TDRD6: variants seen among roughly 807,000 people sequenced by gnomAD.
TDRD6 encodes tudor domain containing 6.
TDRD6 carries 186 observed loss-of-function variants against 157.5 expected under a neutral mutation model. The observed-to-expected ratio is 1.18, with a 90% CI of 1.05 to 1.33. TDRD6 has a LOEUF of 1.33. TDRD6 is among the 40% of genes most tolerant of loss of function. The pLI is 0.00. For synonymous variants in TDRD6, 1,075 were observed against 945.2 expected (o/e 1.14, Z -2.52); for missense variants, 3,066 against 2,508.0 (o/e 1.22, Z -4.75).
chr6:46,696,337 A>T (rs992885844), intron 2 of TDRD6, among the ~76,000 whole-genome samples: 6 of 151,356 alleles, frequency 4.0e-5, no homozygotes, highest in African/African-American at 7.3e-5. Flanking sequence ...TGTCAGGGTG[A>T]AGTTTGTAAA....
chr6:46,688,619 A>G lies in TDRD6; in HGVS notation c.491A>G (p.Lys164Arg), dbSNP rs753915594. ...AVDFLSNLQG[K>R]EVHGCVLDVL... is the part of the protein sequence containing the mutation. ...GACTTCCTTAGCAACCTTCAGGGCA[A>G]GGAGGTGCACGGGTGCGTCCTGGAC... The change falls in exon 1 of 4, where the codon AAG (lysine) becomes AGG (arginine). Residue 164 changes from lysine (K) to arginine (R), a missense_variant. By Grantham distance (26) the Lys-to-Arg change is conservative. Coordinates refer to ENST00000316081, the MANE Select transcript of TDRD6 (RefSeq NM_001010870.3). 6.9e-6 allele frequency: 11 copies of G among 1,599,016 alleles called. No individual in the cohort carries two copies. Among genetic ancestry groups the G allele is most frequent in the Non-Finnish European group, 8.5e-6 (10 of 1,179,826 alleles).
At chr6:46,687,799 C>T, upstream of TDRD6, 1 of 286,164 alleles carries the variant, frequency 3.5e-6, no homozygotes, top group Non-Finnish European at 6.5e-6. Context: ...CTCCTTGGGC[C>T]CTTAGGCGTT....
At chr6:46,699,512 T>G (rs1764573517) in intron 3 of TDRD6, among the ~76,000 whole-genome samples, 1 of 152,122 alleles carries the variant, frequency 6.6e-6, no homozygotes, top group Non-Finnish European at 1.5e-5. Context: ...CAAAGAGATT[T>G]CCTACCTATT....
chr6:46,693,841 C>A lies in TDRD6; in HGVS notation c.5713C>A (p.Pro1905Thr). 1 of 1,614,166 alleles carries A rather than the reference C, an allele frequency of 6.2e-7. No individual in the cohort carries two copies. Among genetic ancestry groups the A allele is most frequent in the Non-Finnish European group, 8.5e-7 (1 of 1,180,038 alleles). The change falls in exon 1 of 4, where the codon CCA becomes ACA. Residue 1905 changes from proline to threonine, a missense_variant. By Grantham distance (38) the Pro-to-Thr change is conservative. Coordinates refer to ENST00000316081, the MANE Select transcript of TDRD6 (RefSeq NM_001010870.3). ...LPLSCEAEKQ[P>T]ELELPTAQLP... ...TCTCAGCTGTGAAGCTGAGAAACAGCCAGAACTAGAACTACCTACAGCCCA... is the reference window on the plus strand; with the variant it reads ...TCTCAGCTGTGAAGCTGAGAAACAGACAGAACTAGAACTACCTACAGCCCA...
In TDRD6 at chr6:46,697,322, C is replaced by T. The variant is rs1204223531; in HGVS notation, c.6172-676C>T. 2.0e-5 allele frequency among the ~76,000 whole-genome samples: 3 copies of T among 152,218 alleles called. No homozygotes were observed. The East Asian group carries it at 5.8e-4, about 29-fold the overall frequency. On this transcript the variant is annotated intron_variant, in intron 2 of 3. Transcript: ENST00000316081. ...TGTTATTTTCTAAATTTATTCTTGT[C>T]CTCAACCTTCCCCCATCCCAAAAAA...
chr6:46,684,776 T>C (rs1764050635), upstream of TDRD6, among the ~76,000 whole-genome samples: 1 of 152,064 alleles, frequency 6.6e-6, no homozygotes, highest in Non-Finnish European at 1.5e-5. Context: ...ATTTAGGTTG[T>C]TTCCAGTTTT....
the TDRD6 span, among the ~76,000 whole-genome samples, chr6:46,681,933 G>T: frequency 6.6e-6 from 1 of 152,034 alleles, no homozygotes; most frequent in African/African-American, 2.4e-5. Context: ...AGTGTGTACA[G>T]TTTCAGTTTG....
At position 46,694,054 on chromosome 6, in the gene TDRD6, G is replaced by A. The variant is rs773817579; in HGVS notation, c.5926G>A (p.Glu1976Lys). The A allele has an allele frequency of 6.2e-7, 1 of 1,613,940 alleles. No individual in the cohort carries two copies. Among genetic ancestry groups the A allele is most frequent in the Admixed American group, 1.7e-5 (1 of 59,970 alleles). The part of the protein sequence containing the change: ...PKTQNEMNIC[E>K]EEFVEYKNRD... ...AACACAGAATGAAATGAATATATGTGAAGAAGAATTTGTAGAGTATAAAAA... is the reference window on the plus strand; with the variant it reads ...AACACAGAATGAAATGAATATATGTAAAGAAGAATTTGTAGAGTATAAAAA... Residue 1976 changes from glutamate (E) to lysine (K), a missense_variant, in exon 1 of 4, where the codon GAA (glutamate) becomes AAA (lysine). By Grantham distance (56) the Glu-to-Lys change is moderately conservative. Coordinates refer to ENST00000316081, the MANE Select transcript of TDRD6 (RefSeq NM_001010870.3).
At position 46,688,155 on chromosome 6, in the gene TDRD6, G is replaced by C. The variant is rs1474996375; in HGVS notation, c.27G>C (p.Ala9=). 1.3e-6 allele frequency: 2 copies of C among 1,544,548 alleles called. No homozygotes were observed. The highest frequency in any genetic ancestry group is 2.3e-4 in the Middle Eastern group (1 of 4,408). The change falls in exon 1 of 4, where the codon GCG becomes GCC. Residue 9 remains alanine (A), a synonymous_variant. Coordinates refer to ENST00000316081, the MANE Select transcript of TDRD6 (RefSeq NM_001010870.3). ...TGTGCTCGACGCCCGGAATGCCGGC[G>C]CCGGGGGCCTCGCTGGCCCTGCGGG... MCSTPGMP[A]PGASLALRVS...
intron 3 of TDRD6, among the ~76,000 whole-genome samples, chr6:46,699,576 A>G (rs948598785): frequency 2.0e-5 from 3 of 152,170 alleles, no homozygotes; most frequent in Admixed American, 6.5e-5. Context: ...GGCTATAAAT[A>G]AGAAATTTCT....
chr6:46,684,415 C>T (rs533160204), upstream of TDRD6, among the ~76,000 whole-genome samples: 1 of 151,108 alleles, frequency 6.6e-6, no homozygotes, highest in East Asian at 2.0e-4. Context: ...AATTTCATCA[C>T]CTTTGTGTAG....
At position 46,691,871 on chromosome 6, in the gene TDRD6, G is replaced by A. The variant is rs548792002; in HGVS notation, c.3743G>A (p.Ser1248Asn). Residue 1248 changes from serine (S) to asparagine (N), a missense_variant, in exon 1 of 4, where the codon AGT becomes AAT. Transcript: ENST00000316081. Reference protein sequence around the residue: ...QYQDSVGNKNSQVFPLTTEKK... With the variant: ...QYQDSVGNKNNQVFPLTTEKK... ...CAAGACTCTGTGGGAAATAAAAATA[G>A]TCAAGTGTTTCCATTAACAACAGAA... The A allele has an allele frequency of 4.5e-5, 72 of 1,592,118 alleles. 1 individual carries two copies. In the South Asian group the frequency reaches 6.3e-4, roughly 14 times the overall value.
In TDRD6 at chr6:46,690,607, C is replaced by T. The variant is rs760611151; in HGVS notation, c.2479C>T (p.Arg827Ter). ...QRNTLACLAK[R>*]TVNRQWSRAL... The stretch of plus-strand genomic sequence containing the variant: ...AAACACCCTTGCTTGTTTGGCTAAG[C>T]GAACAGTAAACAGACAGTGGTCCAG... The change falls in exon 1 of 4, where the codon CGA (arginine) becomes TGA (stop). Residue 827 changes from arginine to a stop codon, truncating the protein, a stop_gained. Transcript: ENST00000316081. LOFTEE classifies it high-confidence loss of function. 3.7e-6 allele frequency: 6 copies of T among 1,614,000 alleles called. No individual in the cohort carries two copies. Among genetic ancestry groups the T allele is most frequent in the African/African-American group, 2.7e-5 (2 of 74,894 alleles).
chr6:46,693,754 G>A lies in TDRD6; in HGVS notation c.5626G>A (p.Val1876Met). 6.2e-7 allele frequency: 1 copy of A among 1,614,202 alleles called. No homozygotes were observed. The highest frequency in any genetic ancestry group is 1.1e-5 in the South Asian group (1 of 91,092). The change falls in exon 1 of 4, where the codon GTG (valine) becomes ATG (methionine). Residue 1876 changes from valine to methionine, a missense_variant. Coordinates refer to ENST00000316081, the MANE Select transcript of TDRD6 (RefSeq NM_001010870.3). ...KGELSPVPPN[V>M]PLSQECVTKG... is the part of the protein sequence containing the mutation. ...GGAGCTAAGCCCGGTGCCACCGAAT[G>A]TGCCACTCTCCCAAGAGTGTGTCAC...
chr6:46,693,585 A>C lies in TDRD6; in HGVS notation c.5457A>C (p.Leu1819Phe). The stretch of plus-strand genomic sequence containing the variant: ...ACCTGATTACAGGATTTAACACATT[A>C]CTACCACATGCTAATGAAACAAAGG... Reference protein sequence around the residue: ...DKYLITGFNTLLPHANETKEI... With the variant: ...DKYLITGFNTFLPHANETKEI... Residue 1819 changes from leucine (L) to phenylalanine (F), a missense_variant, in exon 1 of 4, where the codon TTA becomes TTC. Leu to Phe is a conservative substitution (Grantham distance 22). Transcript: ENST00000316081. The C allele has an allele frequency of 6.2e-7, 1 of 1,614,216 alleles. No individual in the cohort carries two copies. The highest frequency in any genetic ancestry group is 8.5e-7 in the Non-Finnish European group (1 of 1,180,034).
Position 46,692,848 on chromosome 6 carries a change from T to G in TDRD6, c.4720T>G (p.Cys1574Gly), listed in dbSNP as rs796052164. Residue 1574 changes from cysteine (C) to glycine (G), a missense_variant, in exon 1 of 4, where the codon TGT (cysteine) becomes GGT (glycine). Physicochemically the swap from Cys to Gly is radical, Grantham distance 159. Transcript: ENST00000316081. ...CIPCPYIGDPCIVRYREDGHY... is the reference protein window; with the variant it reads ...CIPCPYIGDPGIVRYREDGHY... ...CCCATGTCCTTATATTGGAGATCCTTGTATAGTAAGATACAGAGAAGATGG... is the reference window on the plus strand; with the variant it reads ...CCCATGTCCTTATATTGGAGATCCTGGTATAGTAAGATACAGAGAAGATGG... 1 of 1,614,114 alleles carries G rather than the reference T, an allele frequency of 6.2e-7. No homozygotes were observed. The highest frequency in any genetic ancestry group is 2.2e-5 in the East Asian group (1 of 44,870).
At chr6:46,686,755 C>G (rs1764106173), upstream of TDRD6, among the ~76,000 whole-genome samples, 1 of 152,168 alleles carries the variant, frequency 6.6e-6, no homozygotes, top group Admixed American at 6.5e-5. Context: ...AAGCTAGATT[C>G]CGAGAATCCA....
In TDRD6 at chr6:46,691,923, A is replaced by T. The variant is rs754358798; in HGVS notation, c.3795A>T (p.Thr1265=). Residue 1265 remains threonine, a synonymous_variant, in exon 1 of 4, where the codon ACA becomes ACT. Coordinates refer to ENST00000316081, the MANE Select transcript of TDRD6 (RefSeq NM_001010870.3). ...AGAAAGAAGAAATTTCTGCTGAGACACCCTTGAAAACAGCAAGAGTAGAAG... is the reference window on the plus strand; with the variant it reads ...AGAAAGAAGAAATTTCTGCTGAGACTCCCTTGAAAACAGCAAGAGTAGAAG... ...TEKKEEISAE[T]PLKTARVEAT... The T allele has an allele frequency of 6.3e-7, 1 of 1,597,698 alleles. No individual in the cohort carries two copies. The highest frequency in any genetic ancestry group is 1.8e-5 in the Admixed American group (1 of 54,974).
rs771652348 is a variant in TDRD6, at chr6:46,690,785, A to G, written c.2657A>G (p.Asn886Ser). Residue 886 changes from asparagine (N) to serine (S), a missense_variant, in exon 1 of 4, where the codon AAT becomes AGT. Physicochemically the swap from Asn to Ser is conservative, Grantham distance 46. Transcript: ENST00000316081. ...KAQAFRCSLY[N>S]LIQPVGQNPF... ...CAGGCTTTTAGGTGCAGTCTTTATAATTTAATTCAACCAGTTGGCCAGAAT... is the reference window on the plus strand; with the variant it reads ...CAGGCTTTTAGGTGCAGTCTTTATAGTTTAATTCAACCAGTTGGCCAGAAT... 1.3e-5 allele frequency: 21 copies of G among 1,614,024 alleles called. No homozygotes were observed. The East Asian group carries it at 4.7e-4, about 36-fold the overall frequency.
Sources: gnomAD v4.1 joint callset for allele counts (sites outside exome capture counted in the v4.1 genomes callset) on GRCh38, gnomAD v4.1.1 for gene constraint, MANE v1.5 for transcripts, NCBI Gene and HGNC (gene_info 2026-07-23, HGNC 2026-07-21) for gene names.